IKZF1: variants seen among roughly 807,000 people sequenced by gnomAD.
The protein encoded by IKZF1 is DNA-binding protein Ikaros.
A neutral mutation model predicts 51.7 loss-of-function variants in IKZF1; 10 were observed. The observed-to-expected ratio is 0.19, with a 90% confidence interval of 0.12 to 0.33. The LOEUF (loss-of-function observed/expected upper bound fraction) is 0.33. Among genes scored for constraint, IKZF1 ranks in the 10% least tolerant of loss-of-function variants. The probability of loss-of-function intolerance (pLI) is 1.00; values close to 1 mark genes in which losing one functional copy is unlikely to be tolerated. For synonymous variants in IKZF1, 280 were observed against 282.3 expected, an observed-to-expected ratio of 0.99 and a Z score of 0.08; for missense variants, 484 against 707.5, an observed-to-expected ratio of 0.68 and a Z score of 3.58.
At chr7:50,365,822 G>A (rs777716927) in intron 3 of IKZF1, among the ~76,000 whole-genome samples, 28 of 152,168 alleles carry the variant, frequency 1.8e-4, no homozygotes, top group Non-Finnish European at 3.5e-4. Flanking sequence ...ACACATGCAC[G>A]CATTTGTTTG....
intron 1 of IKZF1, among the ~76,000 whole-genome samples, chr7:50,314,784 C>G (rs1313918638): frequency 6.6e-6 from 1 of 152,242 alleles, no homozygotes; most frequent in Non-Finnish European, 1.5e-5. Context: ...TCTGGCCACA[C>G]TCTCCTTTGG....
At chr7:50,316,798 G>A (rs1791675285) in intron 1 of IKZF1, among the ~76,000 whole-genome samples, 1 of 152,254 alleles carries the variant, frequency 6.6e-6, no homozygotes, top group African/African-American at 2.4e-5. Context: ...CATTCCACTG[G>A]AAGGGCGTTT....
At chr7:50,392,756 C>T (rs1014301388) in intron 7 of IKZF1, among the ~76,000 whole-genome samples, 2 of 152,150 alleles carry the variant, frequency 1.3e-5, no homozygotes, top group Non-Finnish European at 2.9e-5. Context: ...CTGAGATGCA[C>T]TTTGGAAGAG....
At chr7:50,357,743 T>A (rs192774280) in intron 3 of IKZF1, among the ~76,000 whole-genome samples, 8 of 152,328 alleles carry the variant, frequency 5.3e-5, no homozygotes, top group African/African-American at 1.2e-4. Context: ...CCTCATTTCA[T>A]AAACTCATTA....
rs932253019 is a variant in IKZF1 at position 50,333,245 on chromosome 7, G to A, written c.160+5488G>A. Among the ~76,000 whole-genome samples the A allele has an allele frequency of 9.4e-4, 141 of 149,738 alleles. 1 individual carries two copies. Among genetic ancestry groups the A allele is most frequent in the Admixed American group, 1.7e-3 (25 of 14,796 alleles). On this transcript the variant is annotated intron_variant, in intron 3 of 7. Coordinates refer to ENST00000331340, the MANE Select transcript of IKZF1 (RefSeq NM_006060.6). ...AAGACTGCAGTGGGAATTGTAAGAGGATTACCATATTTTAAATTGGCTATT... is the reference window on the plus strand; with the variant it reads ...AAGACTGCAGTGGGAATTGTAAGAGAATTACCATATTTTAAATTGGCTATT...
intron 1 of IKZF1, 64 bp from the exon 2 acceptor site, chr7:50,318,984 C>T: frequency 2.0e-6 from 2 of 1,024,880 alleles, no homozygotes; most frequent in Non-Finnish European, 3.1e-6. Flanking sequence ...CTTTATCTCT[C>T]TCTCTTTCTC....
At chr7:50,382,474 C>T (rs779536319) in intron 4 of IKZF1, 66 bp from the exon 5 acceptor site, 24 of 1,511,374 alleles carry the variant, frequency 1.6e-5, no homozygotes, top group Middle Eastern at 1.8e-4. Flanking sequence ...ACAACTTTCT[C>T]GTAGCATCGT....
chr7:50,399,843 T>G, intron 7 of IKZF1, 75 bp from the exon 8 acceptor site: 1 of 1,519,004 alleles, frequency 6.6e-7, no homozygotes. Context: ...CGGTTGTAGA[T>G]TTCAGCTGTT....
intron 3 of IKZF1, among the ~76,000 whole-genome samples, chr7:50,373,063 T>C (rs1219988401): frequency 6.6e-6 from 1 of 152,246 alleles, no homozygotes; most frequent in Admixed American, 6.5e-5. Flanking sequence ...ATTTGTCCAA[T>C]GAGTGGCTGA....
rs1812175953 is a variant in IKZF1 at position 50,382,673 on chromosome 7, G to A, written c.555G>A (p.Arg185=). 6 of 1,611,038 alleles carry A rather than the reference G, an allele frequency of 3.7e-6. No individual in the cohort carries two copies. The highest frequency in any genetic ancestry group is 1.3e-5 in the African/African-American group (1 of 74,916). Residue 185 remains arginine, a synonymous_variant, in exon 5 of 8, where the codon AGG becomes AGA. Transcript: ENST00000331340. The stretch of plus-strand genomic sequence containing the variant: ...TCTGCAACTACGCCTGCCGCCGGAG[G>A]GACGCCCTCACTGGCCACCTGAGGA... ...CHLCNYACRR[R]DALTGHLRTH...
chr7:50,366,799 A>G (rs374372546), intron 3 of IKZF1, among the ~76,000 whole-genome samples: 2 of 152,192 alleles, frequency 1.3e-5, no homozygotes, highest in African/African-American at 4.8e-5. Flanking sequence ...AGATTATATA[A>G]AGGGTTGGAG....
At position 50,338,086 on chromosome 7, in the gene IKZF1, T is replaced by TA. The variant is rs1181554956; in HGVS notation, c.160+10338dup. 1.1e-4 allele frequency among the ~76,000 whole-genome samples: 16 copies of TA among 151,574 alleles called. No individual in the cohort carries two copies. The East Asian group carries it at 2.1e-3, about 20-fold the overall frequency. On this transcript the variant is annotated intron_variant, in intron 3 of 7. Transcript: ENST00000331340. Reference sequence around the variant, plus strand: ...GTTCCAGAATCTGACATGTGAATTTTAAAAAAAAACTATAGAGAAATTGGA... The same window carrying TA: ...GTTCCAGAATCTGACATGTGAATTTTAAAAAAAAAACTATAGAGAAATTGGA...
chr7:50,357,101 G>A (rs892049078), intron 3 of IKZF1, among the ~76,000 whole-genome samples: 7 of 151,930 alleles, frequency 4.6e-5, no homozygotes, highest in Non-Finnish European at 1.5e-5. Flanking sequence ...GCCCACCCTG[G>A]TGGTCTCCCA....
intron 1 of IKZF1, among the ~76,000 whole-genome samples, chr7:50,309,132 C>T (rs534045437): frequency 1.7e-4 from 26 of 152,314 alleles, no homozygotes; most frequent in African/African-American, 2.2e-4. Flanking sequence ...GCTCGTGGCG[C>T]GGGGCCACGG....
chr7:50,400,744 G>C lies in IKZF1; in HGVS notation c.*117G>C. Reference sequence around the variant, plus strand: ...GACTGGACCAGACAATGTTGTGTTTGGATTTGTAACTGTTTTTTGTTTTTT... The same window carrying C: ...GACTGGACCAGACAATGTTGTGTTTCGATTTGTAACTGTTTTTTGTTTTTT... On this transcript the variant is annotated 3_prime_UTR_variant, in exon 8 of 8. Coordinates refer to ENST00000331340, the MANE Select transcript of IKZF1 (RefSeq NM_006060.6). This position sits in a 1 kb window ranked among gnomAD's most constrained non-coding sequence, Gnocchi z 5.4. 2 of 1,288,076 alleles carry C rather than the reference G, an allele frequency of 1.6e-6. 1 individual carries two copies. The highest frequency in any genetic ancestry group is 2.8e-5 in the South Asian group (2 of 71,930). The allele number at this position is 1,288,076 out of a possible 1,614,324, so 79.8% of individuals were successfully genotyped here.
intron 3 of IKZF1, among the ~76,000 whole-genome samples, chr7:50,343,130 C>CTTTT (rs1356466955): frequency 7.3e-6 from 1 of 136,752 alleles, no homozygotes; most frequent in African/African-American, 3.1e-5. Flanking sequence ...CCCTCCCTCC[C>CTTTT]TTTCTTTCTT....
chr7:50,373,645 A>C (rs1809379488), intron 3 of IKZF1, among the ~76,000 whole-genome samples: 2 of 152,236 alleles, frequency 1.3e-5, no homozygotes, highest in Admixed American at 1.3e-4. Flanking sequence ...TTTAAAAACC[A>C]CAAGGTAAAT....
chr7:50,313,202 A>C (rs1790619687), intron 1 of IKZF1, among the ~76,000 whole-genome samples: 1 of 152,236 alleles, frequency 6.6e-6, no homozygotes. Context: ...TCTGAAGATG[A>C]AAGGACTTGT....
At chr7:50,390,585 T>C (rs1170253826) in intron 6 of IKZF1, among the ~76,000 whole-genome samples, 2 of 152,042 alleles carry the variant, frequency 1.3e-5, no homozygotes, top group Admixed American at 6.6e-5. Context: ...AAAGAAAACA[T>C]GGGAGATTGG....
Sources: gnomAD v4.1 joint callset for allele counts (sites outside exome capture counted in the v4.1 genomes callset) on GRCh38, gnomAD v4.1.1 for gene constraint, Gnocchi (gnomAD v3.1) non-coding constraint, MANE v1.5 for transcripts, NCBI Gene and HGNC (gene_info 2026-07-23, HGNC 2026-07-21) for gene names.